The following TMPO variants were observed in gnomAD, a reference collection of about 807,000 sequenced individuals.
The protein encoded by TMPO is LEM domain containing 4.
Under a neutral mutation model 45.4 loss-of-function variants are expected in TMPO, and 22 were observed. The ratio of observed to expected loss-of-function variants is 0.48; its 90% CI spans 0.35 to 0.69. The LOEUF (loss-of-function observed/expected upper bound fraction) is 0.69, where lower values mean the gene tolerates loss of function less well. Ranked by LOEUF, TMPO falls within the 30% of genes least tolerant of loss-of-function variation. The pLI, the probability that TMPO is intolerant of heterozygous loss-of-function variation, is 0.01. For missense variants in TMPO, 512 were observed against 548.8 expected (o/e 0.93, Z 0.67); for synonymous variants, 241 against 204.1 (o/e 1.18, Z -1.54).
intron 4 of TMPO, 72 bp downstream of exon 4, chr12:98,537,644 C>T (rs1438297728): frequency 1.7e-6 from 2 of 1,174,072 alleles, no homozygotes; most frequent in Non-Finnish European, 2.5e-6. Context: ...ATGTTTTAGC[C>T]TTTAATGGTT....
In TMPO at chr12:98,539,191, ACT is replaced by A. The variant is rs1009994606; in HGVS notation, c.663+1622_663+1623del. Among the ~76,000 whole-genome samples, 97 of 150,438 alleles carry A rather than the reference ACT, an allele frequency of 6.4e-4. 1 individual carries two copies. The highest frequency in any genetic ancestry group is 2.2e-3 in the African/African-American group (92 of 41,354). On this transcript the variant is annotated intron_variant, in intron 4 of 8. Coordinates refer to ENST00000556029, the MANE Select transcript of TMPO (RefSeq NM_001032283.3). ...CTCTAGCCTGGGCAACAAGAGCGAAACTCTGTCTCAAAAATAAATAAATAAAT... is the reference window on the plus strand; with the variant it reads ...CTCTAGCCTGGGCAACAAGAGCGAAACTGTCTCAAAAATAAATAAATAAAT...
rs1397154237 is a variant in TMPO, at chr12:98,533,645, CTG to C, written c.565+1809_565+1810del. On this transcript the variant is annotated intron_variant, in intron 3 of 8. Coordinates refer to ENST00000556029, the MANE Select transcript of TMPO (RefSeq NM_001032283.3). The stretch of plus-strand genomic sequence containing the variant: ...GAACTGATGTCTTCTTTTGCCAAAA[CTG>C]TTGTCTCTCATTCACTCACTACCTT... 3 of 1,614,076 alleles carry C rather than the reference CTG, an allele frequency of 1.9e-6. No homozygotes were observed. The African/African-American group carries it at 4.0e-5, about 22-fold the overall frequency.
chr12:98,539,024 A>G (rs1565814585), intron 4 of TMPO, among the ~76,000 whole-genome samples: 1 of 151,960 alleles, frequency 6.6e-6, no homozygotes, highest in Non-Finnish European at 1.5e-5. Context: ...AACATGGAGA[A>G]ACCCTGTCTC....
rs1267704579 is a variant in TMPO at position 98,515,795 on chromosome 12, G to A, written c.-73G>A. On this transcript the variant is annotated 5_prime_UTR_variant, in exon 1 of 9. Transcript: ENST00000556029. ...GCTCGGAGGCGGCAGCGCGGTCCCC[G>A]GCCAGGAGCAAGCGCGCCGGCGTGA... 4 of 1,557,732 alleles carry A rather than the reference G, an allele frequency of 2.6e-6. No individual in the cohort carries two copies. The highest frequency in any genetic ancestry group is 3.9e-5 in the Admixed American group (2 of 51,630).
At position 98,525,158 on chromosome 12, in the gene TMPO, A is replaced by T. The variant is rs568266553; in HGVS notation, c.280-2728A>T. ...TTGATTAAATCTTTTCTTGAAAGAA[A>T]TAAGTCTTAGAACTCTTAGACCCTA... On this transcript the variant is annotated intron_variant, in intron 1 of 8. Transcript: ENST00000556029. Among the ~76,000 whole-genome samples, 3 of 152,356 alleles carry T rather than the reference A, an allele frequency of 2.0e-5. No homozygotes were observed. In the East Asian group the frequency reaches 5.8e-4, roughly 29 times the overall value.
At chr12:98,542,585 G>C (rs1275401528) in intron 4 of TMPO, among the ~76,000 whole-genome samples, 1 of 152,082 alleles carries the variant, frequency 6.6e-6, no homozygotes, top group African/African-American at 2.4e-5. Context: ...ACTCTGGCCA[G>C]GTGCAGTGGC....
At position 98,549,688 on chromosome 12, in the gene TMPO, T is replaced by C. The variant is rs1182885550; in HGVS notation, c.*1830T>C. 2 of 136,152 alleles carry C rather than the reference T, an allele frequency of 1.5e-5. No individual in the cohort carries two copies. Among genetic ancestry groups the C allele is most frequent in the African/African-American group, 5.4e-5 (2 of 37,208 alleles). 8.4% of individuals were successfully genotyped at this position (136,152 alleles called of 1,614,324 possible). A position where few individuals can be genotyped will look rare whatever the true frequency, so the allele number is the denominator to read the frequency against. On this transcript the variant is annotated 3_prime_UTR_variant, in exon 9 of 9. Transcript: ENST00000556029. ...AAGTTATTTTTAAATACATCTGAAA[T>C]AAAAATACTTACTAAAAAGGAAGAA...
intron 4 of TMPO, among the ~76,000 whole-genome samples, chr12:98,541,187 C>T (rs1877894588): frequency 6.6e-6 from 1 of 152,086 alleles, no homozygotes; most frequent in African/African-American, 2.4e-5. Context: ...TGTATACTTC[C>T]TGCGTCATGC....
rs1878439063 is a variant in TMPO at position 98,549,836 on chromosome 12, G to T, written c.*1978G>T. 6.6e-6 allele frequency: 1 copy of T among 152,150 alleles called. No individual in the cohort carries two copies. The highest frequency in any genetic ancestry group is 1.5e-5 in the Non-Finnish European group (1 of 68,030). The allele number at this position is 152,150 out of a possible 1,614,324, so 9.4% of individuals were successfully genotyped here. A position where few individuals can be genotyped will look rare whatever the true frequency, so the allele number is the denominator to read the frequency against. ...TTTGCAATTGAGACCAGAAAGACTT[G>T]TAGGTCTTTCTGCAGAATGAGTGGG... On this transcript the variant is annotated 3_prime_UTR_variant, in exon 9 of 9. Transcript: ENST00000556029.
chr12:98,545,091 T>A, intron 7 of TMPO, 30 bp downstream of exon 7: 4 of 1,275,172 alleles, frequency 3.1e-6, no homozygotes, highest in Non-Finnish European at 4.6e-6. Flanking sequence ...ATCGATGCTA[T>A]CATTGATCTT....
In TMPO at chr12:98,534,927, C is replaced by T. The variant is rs982216299; in HGVS notation, c.566-2548C>T. On this transcript the variant is annotated intron_variant, in intron 3 of 8. Transcript: ENST00000556029. ...CTACAAACTGTTACTTATCCACAGG[C>T]AAGATAAGCATGCACAAGAATTTAA... 16 of 941,624 alleles carry T rather than the reference C, an allele frequency of 1.7e-5. No homozygotes were observed. In the Admixed American group the frequency reaches 8.6e-4, roughly 51 times the overall value. 58.3% of individuals were successfully genotyped at this position (941,624 alleles called of 1,614,324 possible).
chr12:98,518,200 T>C lies in TMPO; in HGVS notation c.279+2054T>C, dbSNP rs137890173. On this transcript the variant is annotated intron_variant, in intron 1 of 8. Transcript: ENST00000556029. ...AAATAATATTTAAATCAGCACACTT[T>C]ATAAAAAACCTAATTTTCTATAGAA... is the stretch of plus-strand genomic sequence containing the variant. Among the ~76,000 whole-genome samples the C allele has an allele frequency of 2.7e-3, 408 of 152,186 alleles. 1 individual carries two copies. Among genetic ancestry groups the C allele is most frequent in the African/African-American group, 8.7e-3 (360 of 41,544 alleles).
intron 4 of TMPO, among the ~76,000 whole-genome samples, chr12:98,540,207 C>T (rs923467547): frequency 2.6e-5 from 4 of 152,140 alleles, no homozygotes; most frequent in African/African-American, 9.7e-5. Context: ...CTTCTCTATA[C>T]GCTGCATTTT....
At chr12:98,543,355 C>G (rs1045210388) in intron 4 of TMPO, among the ~76,000 whole-genome samples, 1 of 152,222 alleles carries the variant, frequency 6.6e-6, no homozygotes, top group Non-Finnish European at 1.5e-5. Context: ...AAACCTTAAA[C>G]TACTTGGAAT....
intron 4 of TMPO, among the ~76,000 whole-genome samples, chr12:98,540,253 A>G (rs1471565150): frequency 1.3e-5 from 2 of 152,260 alleles, no homozygotes; most frequent in African/African-American, 4.8e-5. Flanking sequence ...GAGGCTATGC[A>G]GTAGACCTTT....
At chr12:98,516,598 A>G (rs990890054) in intron 1 of TMPO, 22 of 954,376 alleles carry the variant, frequency 2.3e-5, no homozygotes, top group Non-Finnish European at 2.8e-5. Context: ...AGGGCAACTG[A>G]TGACACTCTA....
In TMPO at chr12:98,544,531, A is replaced by G. The variant is rs1417203908; in HGVS notation, c.873A>G (p.Glu291=). 6.2e-7 allele frequency: 1 copy of G among 1,609,056 alleles called. No homozygotes were observed. Among genetic ancestry groups the G allele is most frequent in the Non-Finnish European group, 8.5e-7 (1 of 1,175,538 alleles). Residue 291 remains glutamate (E), a synonymous_variant, in exon 6 of 9, where the codon GAA becomes GAG. Coordinates refer to ENST00000556029, the MANE Select transcript of TMPO (RefSeq NM_001032283.3). ...AAACTATAATGGCTTCAAGCAACGA[A>G]TCCTTAGTAAATATGTTTCATAAAC... ...IAETIMASSN[E]SLVVNRVTGN...
At chr12:98,541,036 C>G (rs922347563) in intron 4 of TMPO, among the ~76,000 whole-genome samples, 3 of 137,184 alleles carry the variant, frequency 2.2e-5, no homozygotes, top group African/African-American at 6.6e-5. Flanking sequence ...CAGTTACAGT[C>G]ATCATTCTTT....
chr12:98,543,545 G>T (rs1317565305), intron 4 of TMPO, among the ~76,000 whole-genome samples: 2 of 152,178 alleles, frequency 1.3e-5, no homozygotes, highest in Admixed American at 6.5e-5. Flanking sequence ...CTGAGACTGA[G>T]AATTAATCTG....
Sources: allele counts gnomAD v4.1 joint callset (sites outside exome capture counted in the v4.1 genomes callset), GRCh38; gene constraint gnomAD v4.1.1; transcripts MANE v1.5; gene names NCBI Gene and HGNC (gene_info 2026-07-23, HGNC 2026-07-21).